SYNDIG1: variants seen among roughly 807,000 people sequenced by gnomAD.
The protein encoded by SYNDIG1 is synapse differentiation-inducing gene protein 1.
Under a neutral mutation model 19.4 loss-of-function variants are expected in SYNDIG1, and 9 were observed. The ratio of observed to expected loss-of-function variants is 0.46; its 90% CI spans 0.28 to 0.81. The LOEUF (loss-of-function observed/expected upper bound fraction) is 0.81. Among genes scored for constraint, SYNDIG1 ranks in the 30% least tolerant of loss-of-function variants. The probability of loss-of-function intolerance (pLI) is 0.12; values close to 1 mark genes in which losing one functional copy is unlikely to be tolerated. For missense variants in SYNDIG1, 311 were observed against 343.3 expected (o/e 0.91, Z 0.74); for synonymous variants, 141 against 145.9 (o/e 0.97, Z 0.24).
At chr20:24,511,657 C>T (rs1344523761) in intron 1 of SYNDIG1, among the ~76,000 whole-genome samples, 2 of 152,170 alleles carry the variant, frequency 1.3e-5, no homozygotes, top group African/African-American at 4.8e-5. Context: ...GGGCTTAAGG[C>T]TTCATATCTA....
At chr20:24,653,643 G>T (rs2059495575) in intron 3 of SYNDIG1, among the ~76,000 whole-genome samples, 2 of 152,174 alleles carry the variant, frequency 1.3e-5, no homozygotes, top group African/African-American at 4.8e-5. Context: ...GGAAGTTAGG[G>T]GATTTATCCC....
chr20:24,632,854 C>A (rs372911977), intron 3 of SYNDIG1, among the ~76,000 whole-genome samples: 67 of 152,260 alleles, frequency 4.4e-4, no homozygotes, highest in African/African-American at 1.5e-3. Context: ...TGTTTTCCTC[C>A]CTTCTGGAAT....
chr20:24,531,630 T>TGA (rs1198595609), intron 1 of SYNDIG1, among the ~76,000 whole-genome samples: 1 of 85,280 alleles, frequency 1.2e-5, no homozygotes, highest in Non-Finnish European at 3.2e-5. Flanking sequence ...GAGACAATTT[T>TGA]GAAAAAAAAA....
chr20:24,552,879 C>T (rs951784755), intron 2 of SYNDIG1, among the ~76,000 whole-genome samples: 2 of 152,166 alleles, frequency 1.3e-5, no homozygotes, highest in African/African-American at 2.4e-5. Flanking sequence ...CCTGAGGAAT[C>T]GCCACACTGA....
intron 3 of SYNDIG1, 66 bp downstream of exon 3, chr20:24,585,059 A>C: frequency 6.8e-7 from 1 of 1,462,808 alleles, no homozygotes; most frequent in Non-Finnish European, 9.3e-7. Flanking sequence ...GGGGGCGGCA[A>C]TCCCAGCCGA....
intron 1 of SYNDIG1, among the ~76,000 whole-genome samples, chr20:24,486,073 G>A (rs1003515714): frequency 6.6e-6 from 1 of 152,208 alleles, no homozygotes; most frequent in Non-Finnish European, 1.5e-5. Flanking sequence ...CCAGCAGTGG[G>A]TCCCCTATTC....
At chr20:24,512,108 AATATATATATATATATATATATATATAT>A (rs56002733) in intron 1 of SYNDIG1, among the ~76,000 whole-genome samples, 15 of 76,588 alleles carry the variant, frequency 2.0e-4, no homozygotes, top group South Asian at 1.0e-3. Context: ...TGGTCTTTAA[AATATATATATATATATATATATATATAT>A]ATATATATAT....
At chr20:24,564,735 G>T (rs1367985468) in intron 2 of SYNDIG1, among the ~76,000 whole-genome samples, 1 of 152,086 alleles carries the variant, frequency 6.6e-6, no homozygotes, top group Non-Finnish European at 1.5e-5. Context: ...GCAGAAAGAG[G>T]TGAGAAGGAG....
intron 3 of SYNDIG1, among the ~76,000 whole-genome samples, chr20:24,639,210 G>C (rs1180990639): frequency 6.6e-6 from 1 of 152,212 alleles, no homozygotes; most frequent in African/African-American, 2.4e-5. Flanking sequence ...GGGAGAACGT[G>C]ACAGGCTCAG....
intron 3 of SYNDIG1, among the ~76,000 whole-genome samples, chr20:24,632,693 C>G (rs2059261973): frequency 6.6e-6 from 1 of 152,226 alleles, no homozygotes; most frequent in Admixed American, 6.5e-5. Context: ...TAACGTGGCC[C>G]TGCTGTCGTG....
chr20:24,543,215 G>A lies in SYNDIG1; in HGVS notation c.118G>A (p.Val40Met). The A allele has an allele frequency of 6.2e-7, 1 of 1,614,012 alleles. No individual in the cohort carries two copies. Among genetic ancestry groups the A allele is most frequent in the East Asian group, 2.2e-5 (1 of 44,878 alleles). ...GATGGCCGAGAGCAGAGATGGTCTG[G>A]TGTCTGTTTACCCAGCGCCCCAGTA... is the stretch of plus-strand genomic sequence containing the variant. ...NLMAESRDGLVSVYPAPQYQS... is the reference protein window; with the variant it reads ...NLMAESRDGLMSVYPAPQYQS... Residue 40 changes from valine to methionine, a missense_variant, in exon 2 of 4, where the codon GTG becomes ATG. Val to Met is a conservative substitution (Grantham distance 21). Coordinates refer to ENST00000376862, the MANE Select transcript of SYNDIG1 (RefSeq NM_024893.3).
chr20:24,534,144 C>T (rs1382582743), intron 1 of SYNDIG1, among the ~76,000 whole-genome samples: 4 of 152,182 alleles, frequency 2.6e-5, no homozygotes, highest in Non-Finnish European at 4.4e-5. Flanking sequence ...GCACCTCGTT[C>T]CCGGCCCCAC....
intron 1 of SYNDIG1, among the ~76,000 whole-genome samples, chr20:24,542,628 G>A (rs1306283535): frequency 6.6e-6 from 1 of 152,214 alleles, no homozygotes; most frequent in Admixed American, 6.5e-5. Context: ...ATGTACCTGG[G>A]AAGAGCTAAT....
At chr20:24,617,275 C>T (rs778463642) in intron 3 of SYNDIG1, among the ~76,000 whole-genome samples, 10 of 152,140 alleles carry the variant, frequency 6.6e-5, no homozygotes. Flanking sequence ...CGCATCCTTC[C>T]TCTCCCTCAC....
At chr20:24,485,879 C>T (rs2055942440) in intron 1 of SYNDIG1, among the ~76,000 whole-genome samples, 1 of 152,190 alleles carries the variant, frequency 6.6e-6, no homozygotes, top group South Asian at 2.1e-4. Flanking sequence ...CCCGATATCA[C>T]ATCTGAGGTC....
chr20:24,505,633 C>T (rs1393656486), intron 1 of SYNDIG1, among the ~76,000 whole-genome samples: 2 of 152,196 alleles, frequency 1.3e-5, no homozygotes, highest in Admixed American at 1.3e-4. Context: ...TATTTGCTGT[C>T]TTCATGTTTA....
intron 3 of SYNDIG1, among the ~76,000 whole-genome samples, chr20:24,589,628 C>A (rs79897250): frequency 1.6e-4 from 24 of 152,210 alleles, no homozygotes; most frequent in Admixed American, 1.6e-3. Flanking sequence ...CGGGCAGGCC[C>A]GAGGGTTCCT....
chr20:24,607,504 G>A (rs1242536026), intron 3 of SYNDIG1, among the ~76,000 whole-genome samples: 1 of 152,210 alleles, frequency 6.6e-6, no homozygotes, highest in Non-Finnish European at 1.5e-5. Flanking sequence ...GTGGAGAGTG[G>A]GGCTAGGAAG....
At chr20:24,475,356 A>G (rs1431019912) in intron 1 of SYNDIG1, among the ~76,000 whole-genome samples, 1 of 152,184 alleles carries the variant, frequency 6.6e-6, no homozygotes, top group Non-Finnish European at 1.5e-5. Flanking sequence ...AGTTTCTAAA[A>G]GTGCATTTAA....
Sources: gnomAD v4.1 joint callset for allele counts (sites outside exome capture counted in the v4.1 genomes callset) on GRCh38, gnomAD v4.1.1 for gene constraint, MANE v1.5 for transcripts, NCBI Gene and HGNC (gene_info 2026-07-23, HGNC 2026-07-21) for gene names.